Variants in PCDH15 observed in about 807,000 individuals in gnomAD.
PCDH15 encodes the protein protocadherin-15.
Under a neutral mutation model 178.5 loss-of-function variants are expected in PCDH15, and 129 were observed. The ratio of observed to expected loss-of-function variants is 0.72; its 90% confidence interval spans 0.63 to 0.84. The LOEUF (loss-of-function observed/expected upper bound fraction) is 0.84, where lower values mean the gene tolerates loss of function less well. Among genes scored for constraint, PCDH15 ranks in the 40% least tolerant of loss-of-function variants. The pLI, the probability that PCDH15 is intolerant of heterozygous loss-of-function variation, is 0.00. For missense variants in PCDH15, 2,230 were observed against 2,099.9 expected (o/e 1.06, Z -1.21); for synonymous variants, 800 against 732.0 (o/e 1.09, Z -1.50).
chr10:55,389,345 A>G (rs1437170889), intron 2 of PCDH15, among the ~76,000 whole-genome samples: 3 of 151,562 alleles, frequency 2.0e-5, no homozygotes, highest in Admixed American at 1.3e-4. Context: ...TTTTTTTTTC[A>G]TTTTAAGAGA....
chr10:54,226,338 C>T (rs7085172), intron 9 of PCDH15, among the ~76,000 whole-genome samples: 2,991 of 152,174 alleles, frequency 0.02, 83 homozygotes, highest in African/African-American at 0.068. Flanking sequence ...AGAACAGCAA[C>T]GGAAAGACTT....
At position 53,892,253 on chromosome 10, in the gene PCDH15, C is replaced by T. The variant is rs191006801; in HGVS notation, c.3501+10990G>A. ...TCTTGGCCAGGCTGGTCTTGAACTC[C>T]TGACCTCGTGATCCACCCGCCCCGG... On this transcript the variant is annotated intron_variant, in intron 26 of 37. Transcript: ENST00000644397. Among the ~76,000 whole-genome samples, 438 of 152,030 alleles carry T rather than the reference C, an allele frequency of 2.9e-3. 2 individuals are homozygous for T. Among genetic ancestry groups the T allele is most frequent in the African/African-American group, 9.7e-3 (401 of 41,478 alleles).
intron 21 of PCDH15, among the ~76,000 whole-genome samples, chr10:53,968,776 A>T (rs1267826302): frequency 1.3e-5 from 2 of 152,198 alleles, no homozygotes; most frequent in African/African-American, 4.8e-5. Flanking sequence ...CCAACAGTCC[A>T]GCAGCTGACG....
chr10:53,970,602 G>A (rs2089575450), intron 21 of PCDH15, among the ~76,000 whole-genome samples: 2 of 151,834 alleles, frequency 1.3e-5, no homozygotes, highest in Admixed American at 6.6e-5. Context: ...AATGATAAAG[G>A]GGATATTACC....
chr10:54,194,410 G>T (rs1192269328), intron 11 of PCDH15, among the ~76,000 whole-genome samples: 1 of 152,086 alleles, frequency 6.6e-6, no homozygotes, highest in Non-Finnish European at 1.5e-5. Context: ...TATAAGACTA[G>T]TGGCTACTAT....
rs181644741 is a variant in PCDH15, at chr10:53,904,721, C to G, written c.3374-1351G>C. Among the ~76,000 whole-genome samples, 578 of 152,252 alleles carry G rather than the reference C, an allele frequency of 3.8e-3. 3 individuals are homozygous for G. The highest frequency in any genetic ancestry group is 6.4e-3 in the Non-Finnish European group (435 of 68,006). ...TCTGACTTGTACCTTAGTCAGCCAC[C>G]ACAAATCAGAATTCACCCAAAATGA... On this transcript the variant is annotated intron_variant, in intron 25 of 37. Coordinates refer to ENST00000644397, the MANE Select transcript of PCDH15 (RefSeq NM_001384140.1).
At chr10:53,979,771 G>C (rs572377778) in intron 21 of PCDH15, among the ~76,000 whole-genome samples, 2 of 152,278 alleles carry the variant, frequency 1.3e-5, no homozygotes, top group African/African-American at 4.8e-5. Context: ...GCTACAACTA[G>C]AGAACAGATC....
At chr10:55,014,277 G>A (rs1440023447) in intron 2 of PCDH15, among the ~76,000 whole-genome samples, 2 of 151,748 alleles carry the variant, frequency 1.3e-5, no homozygotes, top group Non-Finnish European at 2.9e-5. Flanking sequence ...AAAAATAAAC[G>A]TGTCTATTAT....
chr10:55,591,433 TCATAAATAAATA>T (rs549650137), intron 2 of PCDH15, among the ~76,000 whole-genome samples: 29 of 152,078 alleles, frequency 1.9e-4, no homozygotes, highest in Non-Finnish European at 4.0e-4. Flanking sequence ...AGACTCTCTC[TCATAAATAAATA>T]CATAAATAAA....
At chr10:55,524,134 T>C (rs1234881561) in intron 2 of PCDH15, among the ~76,000 whole-genome samples, 1 of 151,560 alleles carries the variant, frequency 6.6e-6, no homozygotes, top group Non-Finnish European at 1.5e-5. Flanking sequence ...TTTATTACCA[T>C]GAAATTGAAA....
chr10:55,052,537 C>CAAAAAAAAAAAAAAAA lies in PCDH15; in HGVS notation c.-80+114023_-80+114038dup, dbSNP rs71014444. Among the ~76,000 whole-genome samples the CAAAAAAAAAAAAAAAA allele has an allele frequency of 1.0e-4, 4 of 39,358 alleles. 2 individuals carry two copies. Among genetic ancestry groups the CAAAAAAAAAAAAAAAA allele is most frequent in the Non-Finnish European group, 1.9e-4 (4 of 21,228 alleles). The allele number at this position is 39,358 out of a possible 152,430, so 25.8% of individuals were successfully genotyped here. ...AACATGGCGAAAACCCCGTCTCATA[C>CAAAAAAAAAAAAAAAA]AAAAAAAAAAAAAAAAAAAAAAAAA... is the stretch of plus-strand genomic sequence containing the variant. On this transcript the variant is annotated intron_variant, in intron 2 of 5. Coordinates refer to the PCDH15 transcript ENST00000458638.
intron 1 of PCDH15, among the ~76,000 whole-genome samples, chr10:54,788,791 C>T (rs925018744): frequency 6.6e-6 from 1 of 151,628 alleles, no homozygotes; most frequent in African/African-American, 2.4e-5. Context: ...TTGGTGACAA[C>T]TGGTATGGGG....
intron 2 of PCDH15, among the ~76,000 whole-genome samples, chr10:55,114,309 T>C (rs1361709333): frequency 6.6e-6 from 1 of 152,224 alleles, no homozygotes; most frequent in Non-Finnish European, 1.5e-5. Flanking sequence ...CTTTGACTAA[T>C]AAAACTACGT....
chr10:53,910,326 A>G (rs530313879), intron 25 of PCDH15, among the ~76,000 whole-genome samples: 1 of 152,244 alleles, frequency 6.6e-6, no homozygotes, highest in South Asian at 2.1e-4. Flanking sequence ...CCAGGCAGCA[A>G]TATTTGCTGT....
chr10:54,816,994 G>A (rs1952959145), intron 3 of PCDH15, among the ~76,000 whole-genome samples: 1 of 151,946 alleles, frequency 6.6e-6, no homozygotes, highest in South Asian at 2.1e-4. Flanking sequence ...TGAATAAATT[G>A]TAGGATGTTC....
chr10:53,945,797 A>G (rs1337718562), intron 23 of PCDH15, among the ~76,000 whole-genome samples: 2 of 148,554 alleles, frequency 1.3e-5, no homozygotes, highest in African/African-American at 4.9e-5. Context: ...TCCCAAATAA[A>G]AGAATTCCCT....
intron 1 of PCDH15, among the ~76,000 whole-genome samples, chr10:55,261,188 T>C (rs1208059475): frequency 6.6e-6 from 1 of 152,216 alleles, no homozygotes; most frequent in East Asian, 1.9e-4. Context: ...AATGTATGCC[T>C]CAATGATCCT....
intron 3 of PCDH15, among the ~76,000 whole-genome samples, chr10:54,842,273 T>G (rs1953433044): frequency 6.6e-6 from 1 of 151,772 alleles, no homozygotes; most frequent in African/African-American, 2.4e-5. Context: ...AATTTTATTT[T>G]TTCTCCATCC....
intron 3 of PCDH15, among the ~76,000 whole-genome samples, chr10:54,852,445 AG>A (rs1953639454): frequency 6.6e-6 from 1 of 152,178 alleles, no homozygotes; most frequent in South Asian, 2.1e-4. Flanking sequence ...ACATTAGGCC[AG>A]GGTACACACT....
Sources: allele counts gnomAD v4.1 joint callset (sites outside exome capture counted in the v4.1 genomes callset), GRCh38; gene constraint gnomAD v4.1.1; transcripts MANE v1.5; gene names NCBI Gene and HGNC (gene_info 2026-07-23, HGNC 2026-07-21).